DMD: variants seen among roughly 807,000 people sequenced by gnomAD.
DMD encodes the protein mutant dystrophin.
DMD carries 63 observed loss-of-function variants against 330.1 expected under a neutral mutation model. The observed-to-expected ratio is 0.19, with a 90% CI of 0.16 to 0.24. The LOEUF is 0.24. Ranked by LOEUF, DMD falls within the 10% of genes least tolerant of loss-of-function variation. DMD has a pLI of 1.00. For synonymous variants in DMD, 1,223 were observed against 959.8 expected, an observed-to-expected ratio of 1.27 and a Z score of -5.07; for missense variants, 3,344 against 2,684.1, an observed-to-expected ratio of 1.25 and a Z score of -5.43.
intron 63 of DMD, among the ~76,000 whole-genome samples, chrX:31,228,273 AAT>A (rs1350615476): frequency 2.2e-3 from 147 of 66,469 alleles, no homozygotes; most frequent in African/African-American, 0.015. Flanking sequence ...AAAATAAAAA[AAT>A]AAAAAAAAAA....
intron 7 of DMD, among the ~76,000 whole-genome samples, chrX:32,718,035 T>A (rs935258151): frequency 9.9e-5 from 11 of 111,477 alleles, no homozygotes; most frequent in African/African-American, 3.6e-4. Context: ...CTTGCCTTAG[T>A]CTCAGATGAG....
In DMD at chrX:31,716,294, G is replaced by A. The variant is rs760469954; in HGVS notation, c.7660+13337C>T. On this transcript the variant is annotated intron_variant, in intron 52 of 78. Coordinates refer to ENST00000357033, the MANE Select transcript of DMD (RefSeq NM_004006.3). ...CGGCCAGGAGCCGTGGCTCACGCCT[G>A]TAATCCCAGCACTTTGGGAGGCCGA... Among the ~76,000 whole-genome samples the A allele has an allele frequency of 5.3e-4, 60 of 112,706 alleles. 1 individual carries two copies. The highest frequency in any genetic ancestry group is 1.8e-3 in the African/African-American group (55 of 31,072).
At chrX:32,297,739 G>C (rs761627233) in intron 42 of DMD, among the ~76,000 whole-genome samples, 1 of 111,958 alleles carries the variant, frequency 8.9e-6, no homozygotes, top group South Asian at 3.7e-4. Flanking sequence ...CAAAACTAAA[G>C]CAGGGAAGGA....
intron 9 of DMD, among the ~76,000 whole-genome samples, chrX:32,661,553 G>A (rs1602657312): frequency 9.0e-6 from 1 of 111,159 alleles, no homozygotes; most frequent in Admixed American, 9.6e-5. Flanking sequence ...ATTTCCCAGA[G>A]ATAGCTAGAT....
intron 57 of DMD, among the ~76,000 whole-genome samples, chrX:31,480,487 C>T (rs1333338669): frequency 1.8e-5 from 2 of 108,369 alleles, no homozygotes; most frequent in Non-Finnish European, 3.8e-5. Context: ...ATGCTAGATA[C>T]GTGAGTTATT....
intron 7 of DMD, among the ~76,000 whole-genome samples, 166 bp from the exon 8 acceptor site, chrX:32,699,459 T>C (rs2063918302): frequency 1.8e-5 from 2 of 112,036 alleles, no homozygotes; most frequent in African/African-American, 3.2e-5. Context: ...AGGCCTAAAA[T>C]GTCTTTCCAA....
chrX:32,527,902 G>A (rs1185436956), intron 17 of DMD, among the ~76,000 whole-genome samples: 1 of 111,779 alleles, frequency 8.9e-6, no homozygotes, highest in Non-Finnish European at 1.9e-5. Flanking sequence ...CTGTGGAAGG[G>A]GGGAAGATAG....
At chrX:32,806,455 T>A (rs1365050179) in intron 7 of DMD, among the ~76,000 whole-genome samples, 1 of 110,886 alleles carries the variant, frequency 9.0e-6, no homozygotes, top group African/African-American at 3.3e-5. Flanking sequence ...TAAAGCAAGT[T>A]CTTAGAGACC....
rs781153726 is a variant in DMD at position 33,163,552 on chromosome X, G to GTATATATATATATATA, written c.31+47714_31+47729dup. ...CTCCATCTCAAAAATATATATGTGT[G>GTATATATATATATATA]TATATATATATATATATATATATGT... On this transcript the variant is annotated intron_variant, in intron 1 of 78. Coordinates refer to ENST00000357033, the MANE Select transcript of DMD (RefSeq NM_004006.3). Among the ~76,000 whole-genome samples, 291 of 90,945 alleles carry GTATATATATATATATA rather than the reference G, an allele frequency of 3.2e-3. 3 individuals carry two copies. The highest frequency in any genetic ancestry group is 0.011 in the African/African-American group (276 of 24,014). The allele number at this position is 90,945 out of a possible 115,157, so 79.0% of individuals were successfully genotyped here.
intron 2 of DMD, among the ~76,000 whole-genome samples, chrX:32,861,917 G>T (rs1779741757): frequency 8.9e-6 from 1 of 111,752 alleles, no homozygotes; most frequent in Non-Finnish European, 1.9e-5. Flanking sequence ...GTCCATATCA[G>T]AAAATAAATG....
chrX:31,983,741 A>G (rs2095492014), intron 44 of DMD, among the ~76,000 whole-genome samples: 1 of 112,324 alleles, frequency 8.9e-6, no homozygotes, highest in African/African-American at 3.2e-5. Context: ...AATAATTGCA[A>G]TTATCTTATT....
intron 47 of DMD, among the ~76,000 whole-genome samples, chrX:31,897,355 C>T (rs1403838278): frequency 1.8e-5 from 2 of 108,732 alleles, no homozygotes; most frequent in Non-Finnish European, 3.8e-5. Context: ...CAAGTCTTTG[C>T]TATTGTGAAT....
At chrX:32,690,733 C>CAA (rs1196875579) in intron 9 of DMD, among the ~76,000 whole-genome samples, 2 of 111,396 alleles carry the variant, frequency 1.8e-5, no homozygotes, top group East Asian at 5.6e-4. Context: ...CAAGCATACA[C>CAA]AAGGAGGAAA....
chrX:31,418,627 T>C (rs1397800303), intron 60 of DMD, among the ~76,000 whole-genome samples: 5 of 112,322 alleles, frequency 4.5e-5, no homozygotes. Context: ...CAATGCTTTA[T>C]AGGTTAGGAA....
At chrX:32,241,000 T>C (rs73460040) in intron 43 of DMD, among the ~76,000 whole-genome samples, 2,146 of 112,131 alleles carry the variant, frequency 0.019, 46 homozygotes, top group African/African-American at 0.066. Flanking sequence ...AAAAACAAAT[T>C]GGCTTACTTG....
chrX:32,731,156 C>G (rs2067571818), intron 7 of DMD, among the ~76,000 whole-genome samples: 1 of 112,045 alleles, frequency 8.9e-6, no homozygotes, highest in Non-Finnish European at 1.9e-5. Context: ...TGACGGACAG[C>G]ACCTGGAAAA....
chrX:32,720,769 A>T (rs2066215008), intron 7 of DMD, among the ~76,000 whole-genome samples: 1 of 111,306 alleles, frequency 9.0e-6, no homozygotes, highest in South Asian at 3.8e-4. Context: ...TTACCCCATT[A>T]TTATCTGCTT....
chrX:31,388,140 C>T (rs2060532822), intron 60 of DMD, among the ~76,000 whole-genome samples: 1 of 108,718 alleles, frequency 9.2e-6, no homozygotes, highest in Admixed American at 9.9e-5. Context: ...GCTGGGACTA[C>T]AGGTGCCCAC....
intron 13 of DMD, among the ~76,000 whole-genome samples, chrX:32,594,456 T>A (rs808545): frequency 0.27 from 29,615 of 110,145 alleles, 3,006 homozygotes; most frequent in South Asian, 0.5. Flanking sequence ...TCTGCTCTAA[T>A]AAAAAGCCTG....
Sources: gnomAD v4.1 joint callset for allele counts (sites outside exome capture counted in the v4.1 genomes callset) on GRCh38, gnomAD v4.1.1 for gene constraint, MANE v1.5 for transcripts, NCBI Gene and HGNC (gene_info 2026-07-23, HGNC 2026-07-21) for gene names.